EMID1: variants seen among roughly 807,000 people sequenced by gnomAD.
EMID1 encodes EMI domain containing 1, also known as EMI domain-containing protein 1.
In EMID1, 40 loss-of-function variants were observed where a neutral mutation model predicts 60.6. That is an observed-to-expected ratio of 0.66 (90% CI 0.51 to 0.86). The LOEUF (loss-of-function observed/expected upper bound fraction) is 0.86. Ranked by LOEUF, EMID1 falls within the 40% of genes least tolerant of loss-of-function variation. EMID1 has a pLI of 0.00. For missense variants in EMID1, 585 were observed against 597.1 expected (o/e 0.98, Z 0.21); for synonymous variants, 242 against 231.0 (o/e 1.05, Z -0.43).
intron 3 of EMID1, among the ~76,000 whole-genome samples, chr22:29,220,372 C>G (rs1381294672): frequency 6.6e-6 from 1 of 152,220 alleles, no homozygotes; most frequent in Admixed American, 6.5e-5. Context: ...ATAGACTAAG[C>G]CTTCCTGGAG....
At chr22:29,255,439 T>C (rs964937349) in intron 14 of EMID1, 31 of 1,092,714 alleles carry the variant, frequency 2.8e-5, no homozygotes, top group Non-Finnish European at 3.8e-5. Context: ...AGAAGGCGCC[T>C]TCCGATGCTT....
At chr22:29,248,504 G>GT (rs1196362124) in intron 13 of EMID1, among the ~76,000 whole-genome samples, 1 of 151,940 alleles carries the variant, frequency 6.6e-6, no homozygotes, top group Non-Finnish European at 1.5e-5. Context: ...CAGCTTAACT[G>GT]TTTTTTAAAT....
chr22:29,245,575 G>T (rs545034303), intron 13 of EMID1, among the ~76,000 whole-genome samples: 2 of 152,352 alleles, frequency 1.3e-5, no homozygotes, highest in Admixed American at 1.3e-4. Context: ...AGCTTTGGGG[G>T]CTGGGGGAAC....
In EMID1 at chr22:29,233,536, C is replaced by T. The variant is rs190041421; in HGVS notation, c.913+68C>T. 57 of 1,604,216 alleles carry T rather than the reference C, an allele frequency of 3.6e-5. No homozygotes were observed. In the East Asian group the frequency reaches 1.1e-3, roughly 31 times the overall value. On this transcript the variant is annotated intron_variant, in intron 9 of 14. Coordinates refer to ENST00000334018, the MANE Select transcript of EMID1 (RefSeq NM_133455.4). Reference sequence around the variant, plus strand: ...ATGGCAGAGGGAATAGGGTTTGTGGCTATCAGGAGGGAGCTGATGGGGCAC... The same window carrying T: ...ATGGCAGAGGGAATAGGGTTTGTGGTTATCAGGAGGGAGCTGATGGGGCAC...
intron 3 of EMID1, among the ~76,000 whole-genome samples, chr22:29,217,152 C>G (rs1012603052): frequency 2.0e-5 from 3 of 152,222 alleles, no homozygotes; most frequent in Admixed American, 2.0e-4. Flanking sequence ...CCATTCTGTC[C>G]CTGGCTCCCC....
chr22:29,224,728 A>G (rs568282033), intron 3 of EMID1, among the ~76,000 whole-genome samples: 22 of 152,334 alleles, frequency 1.4e-4, no homozygotes, highest in Admixed American at 1.1e-3. Flanking sequence ...GCCTCACCCC[A>G]GCCTGGGAGG....
chr22:29,216,864 G>C (rs532351747), intron 3 of EMID1, among the ~76,000 whole-genome samples: 1 of 152,262 alleles, frequency 6.6e-6, no homozygotes, highest in South Asian at 2.1e-4. Context: ...TAGAGGGAGA[G>C]CTGAGACGCC....
intron 12 of EMID1, 59 bp from the exon 13 acceptor site, chr22:29,243,386 C>G: frequency 6.4e-7 from 1 of 1,552,650 alleles, no homozygotes; most frequent in South Asian, 1.1e-5. Context: ...CTCTTTTTTT[C>G]CCGTCCCTTT....
intron 1 of EMID1, among the ~76,000 whole-genome samples, chr22:29,211,919 G>A (rs1035236436): frequency 1.2e-4 from 18 of 151,178 alleles, no homozygotes; most frequent in South Asian, 6.2e-4. Context: ...ACGATTCACC[G>A]CAATTTTCTA....
At chr22:29,220,151 C>T (rs2040238558) in intron 3 of EMID1, among the ~76,000 whole-genome samples, 1 of 152,178 alleles carries the variant, frequency 6.6e-6, no homozygotes. Flanking sequence ...CCTGCCCACA[C>T]TGGCTTTGTC....
rs183750007 is a variant in EMID1, at chr22:29,234,198, G to C, written c.1028G>C (p.Arg343Thr). 350 of 1,606,596 alleles carry C rather than the reference G, an allele frequency of 2.2e-4. 4 individuals carry two copies. In the East Asian group the frequency reaches 6.9e-3, roughly 32 times the overall value. Residue 343 changes from arginine (R) to threonine (T), a missense_variant and splice_region_variant, in exon 11 of 15, where the codon AGA (arginine) becomes ACA (threonine). Arg to Thr is a moderately conservative substitution (Grantham distance 71). Transcript: ENST00000334018. ...GGCCACCCAGGAGAGAAGGGCGAGA[G>C]AGTGAGTACCCAGGTGGCCCCAGGT... ...ISGHPGEKGE[R>T]GLRGEPGPQG...
intron 1 of EMID1, among the ~76,000 whole-genome samples, chr22:29,210,668 C>T (rs1292583964): frequency 9.2e-5 from 14 of 152,118 alleles, no homozygotes; most frequent in Non-Finnish European, 4.4e-5. Flanking sequence ...GTAGCTGTGA[C>T]TACAGGCAAG....
rs1315541918 is a variant in EMID1 at position 29,225,319 on chromosome 22, G to A, written c.403+103G>A. On this transcript the variant is annotated intron_variant, in intron 4 of 14. Transcript: ENST00000334018. ...GTCCTAAAAGCCAGTAGGTCTGGCAGTGGAGGGTCAAGGACAGTAACTATC... is the reference window on the plus strand; with the variant it reads ...GTCCTAAAAGCCAGTAGGTCTGGCAATGGAGGGTCAAGGACAGTAACTATC... 1.2e-5 allele frequency: 15 copies of A among 1,223,284 alleles called. No individual in the cohort carries two copies. In the East Asian group the frequency reaches 3.4e-4, roughly 27 times the overall value. The allele number at this position is 1,223,284 out of a possible 1,614,324, so 75.8% of individuals were successfully genotyped here.
intron 13 of EMID1, among the ~76,000 whole-genome samples, chr22:29,253,258 A>C (rs2041588923): frequency 6.6e-6 from 1 of 152,232 alleles, no homozygotes. Flanking sequence ...CAGCCTGGGC[A>C]ACATAGCAAG....
At chr22:29,216,747 G>A (rs132382) in intron 3 of EMID1, 757,331 of 804,236 alleles carry the variant, frequency 0.94, 356,741 homozygotes, top group East Asian at 1. Context: ...AGAGGCACAC[G>A]GCCATGGGGA....
chr22:29,233,007 A>T (rs767696434), intron 8 of EMID1: 38 of 271,420 alleles, frequency 1.4e-4, no homozygotes, highest in Non-Finnish European at 2.3e-4. Context: ...GGGGACAATG[A>T]CAGTGCCAGC....
At chr22:29,250,847 G>A (rs1018610032) in intron 13 of EMID1, among the ~76,000 whole-genome samples, 2 of 143,298 alleles carry the variant, frequency 1.4e-5, no homozygotes, top group African/African-American at 5.2e-5. Context: ...CATCCGCTTA[G>A]GCCTCCCAAA....
At position 29,234,353 on chromosome 22, in the gene EMID1, A is replaced by C. The variant is rs373189615; in HGVS notation, c.1074+4A>C. 6.2e-7 allele frequency: 1 copy of C among 1,613,198 alleles called. No individual in the cohort carries two copies. The highest frequency in any genetic ancestry group is 2.2e-5 in the East Asian group (1 of 44,880). Reference sequence around the variant, plus strand: ...CCAAGGCTCTGCTGGGCAGCGGGTAAGTGTTGCTGTCTGTCCCGCATTCAT... The same window carrying C: ...CCAAGGCTCTGCTGGGCAGCGGGTACGTGTTGCTGTCTGTCCCGCATTCAT... On this transcript the variant is annotated splice_donor_region_variant and intron_variant, in intron 12 of 14. Coordinates refer to ENST00000334018, the MANE Select transcript of EMID1 (RefSeq NM_133455.4).
At chr22:29,236,644 T>C (rs2040958989) in intron 12 of EMID1, among the ~76,000 whole-genome samples, 1 of 151,834 alleles carries the variant, frequency 6.6e-6, no homozygotes, top group South Asian at 2.1e-4. Context: ...TGGGCCAAGA[T>C]TGTGCCACTG....
Sources: gnomAD v4.1 joint callset for allele counts (sites outside exome capture counted in the v4.1 genomes callset) on GRCh38, gnomAD v4.1.1 for gene constraint, MANE v1.5 for transcripts, NCBI Gene and HGNC (gene_info 2026-07-23, HGNC 2026-07-21) for gene names.